TENM2: variants seen among roughly 807,000 people sequenced by gnomAD.
TENM2 encodes teneurin transmembrane protein 2.
Under a neutral mutation model 245.2 loss-of-function variants are expected in TENM2, and 52 were observed. The observed-to-expected ratio is 0.21, with a 90% CI of 0.17 to 0.27. The LOEUF is 0.27. Among genes scored for constraint, TENM2 ranks in the 10% least tolerant of loss-of-function variants. TENM2 has a pLI of 1.00. For synonymous variants in TENM2, 1,363 were observed against 1,438.9 expected, an observed-to-expected ratio of 0.95 and a Z score of 1.19; for missense variants, 3,046 against 3,666.8, an observed-to-expected ratio of 0.83 and a Z score of 4.37.
intron 2 of TENM2, among the ~76,000 whole-genome samples, chr5:167,735,804 T>C (rs74662354): frequency 0.012 from 1,845 of 151,740 alleles, 18 homozygotes; most frequent in Non-Finnish European, 0.019. Flanking sequence ...AGACCCTGTC[T>C]CACAAAAAGA....
At chr5:167,925,808 A>G (rs1777713208) in intron 3 of TENM2, among the ~76,000 whole-genome samples, 2 of 152,366 alleles carry the variant, frequency 1.3e-5, no homozygotes, top group South Asian at 2.1e-4. Flanking sequence ...TTGCAGGGAC[A>G]TGCATGGAGC....
intron 1 of TENM2, among the ~76,000 whole-genome samples, chr5:167,373,138 T>G (rs556525977): frequency 1.4e-4 from 22 of 152,298 alleles, no homozygotes; most frequent in African/African-American, 5.3e-4. Context: ...GAAGAGACAA[T>G]TATGTATAGA....
intron 2 of TENM2, among the ~76,000 whole-genome samples, chr5:167,561,239 A>T (rs1313755644): frequency 1.1e-4 from 16 of 152,228 alleles, no homozygotes; most frequent in Non-Finnish European, 2.9e-5. Context: ...ATTAAAGGTC[A>T]TAAAACAATA....
intron 2 of TENM2, among the ~76,000 whole-genome samples, chr5:167,665,226 T>C (rs2150335343): frequency 6.6e-6 from 1 of 152,250 alleles, no homozygotes; most frequent in Non-Finnish European, 1.5e-5. Context: ...GAAAAATGAA[T>C]ACAATAATAT....
At chr5:167,217,997 A>C in the TENM2 span, among the ~76,000 whole-genome samples, 4,059 of 152,198 alleles carry the variant, frequency 0.027, 188 homozygotes, top group African/African-American at 0.092. Flanking sequence ...AATCAATAGT[A>C]TTTAAGAGGG....
chr5:167,710,733 T>A (rs961438022), intron 2 of TENM2, among the ~76,000 whole-genome samples: 1 of 152,168 alleles, frequency 6.6e-6, no homozygotes, highest in Non-Finnish European at 1.5e-5. Context: ...CTGAGGGCAT[T>A]GGGAAACCAC....
In TENM2 at chr5:167,770,775, C is replaced by T. The variant is rs142830883; in HGVS notation, c.503-105211C>T. Among the ~76,000 whole-genome samples the T allele has an allele frequency of 4.3e-3, 657 of 152,226 alleles. 9 individuals carry two copies. Among genetic ancestry groups the T allele is most frequent in the African/African-American group, 0.015 (606 of 41,540 alleles). On this transcript the variant is annotated intron_variant, in intron 2 of 28. Transcript: ENST00000518659. Reference sequence around the variant, plus strand: ...AACTTCTGGAAGAGTAAACGGGATACAACACAGTAAACTTCTGAACAGCTT... The same window carrying T: ...AACTTCTGGAAGAGTAAACGGGATATAACACAGTAAACTTCTGAACAGCTT...
At chr5:168,039,317 GAAGA>G (rs1787978300) in intron 5 of TENM2, among the ~76,000 whole-genome samples, 1 of 152,122 alleles carries the variant, frequency 6.6e-6, no homozygotes, top group Non-Finnish European at 1.5e-5. Context: ...GCCGTTCTTT[GAAGA>G]AAGACAAATA....
intron 2 of TENM2, among the ~76,000 whole-genome samples, chr5:167,836,285 T>G (rs1768979284): frequency 6.6e-6 from 1 of 152,200 alleles, no homozygotes. Context: ...AAATTTTTAA[T>G]TGCCCTTCAT....
the TENM2 span, among the ~76,000 whole-genome samples, chr5:167,028,069 CAAAAAAA>C: frequency 5.7e-4 from 53 of 92,710 alleles, 1 homozygote; most frequent in African/African-American, 1.3e-4. Context: ...GATTCCATCT[CAAAAAAA>C]AAAAAAAAAA....
the TENM2 span, among the ~76,000 whole-genome samples, chr5:167,068,923 G>A: frequency 2.0e-5 from 3 of 152,182 alleles, no homozygotes; most frequent in Non-Finnish European, 4.4e-5. Flanking sequence ...TTCTAAAACA[G>A]TTATATGAAC....
At chr5:167,445,326 T>TAGAGAGAGAG (rs1394963206) in intron 2 of TENM2, among the ~76,000 whole-genome samples, 35 of 32,846 alleles carry the variant, frequency 1.1e-3, no homozygotes, top group South Asian at 4.1e-3. Flanking sequence ...TATATATATA[T>TAGAGAGAGAG]ATATATATAT....
chr5:168,057,744 A>G (rs754569676), intron 6 of TENM2, among the ~76,000 whole-genome samples: 9 of 152,210 alleles, frequency 5.9e-5, no homozygotes, highest in Admixed American at 3.3e-4. Context: ...GATCCACAAG[A>G]AAAGTTATTT....
intron 3 of TENM2, among the ~76,000 whole-genome samples, chr5:167,934,206 C>T (rs1778514635): frequency 6.6e-6 from 1 of 152,192 alleles, no homozygotes; most frequent in African/African-American, 2.4e-5. Context: ...AACCTGCCCA[C>T]ATAATATTAC....
chr5:167,628,015 G>A (rs1050277639), intron 2 of TENM2, among the ~76,000 whole-genome samples: 2 of 152,170 alleles, frequency 1.3e-5, no homozygotes, highest in Non-Finnish European at 2.9e-5. Flanking sequence ...ACGGTAGAAC[G>A]GCAGTGTCTT....
chr5:168,000,329 C>A (rs1391879817), intron 5 of TENM2, among the ~76,000 whole-genome samples: 1 of 152,230 alleles, frequency 6.6e-6, no homozygotes, highest in African/African-American at 2.4e-5. Flanking sequence ...ATCTGGAACA[C>A]AATTTCAAGT....
At chr5:167,632,865 G>A (rs1338544799) in intron 2 of TENM2, among the ~76,000 whole-genome samples, 3 of 152,142 alleles carry the variant, frequency 2.0e-5, no homozygotes, top group African/African-American at 7.2e-5. Context: ...ACAAACATAA[G>A]TTTAGATGAC....
the TENM2 span, among the ~76,000 whole-genome samples, chr5:167,068,165 T>G: frequency 6.6e-6 from 1 of 152,208 alleles, no homozygotes; most frequent in Non-Finnish European, 1.5e-5. Context: ...AAGTGACATT[T>G]GATGTGTCTT....
At chr5:167,032,163 A>C in the TENM2 span, among the ~76,000 whole-genome samples, 28 of 152,352 alleles carry the variant, frequency 1.8e-4, no homozygotes, top group South Asian at 8.3e-4. Context: ...AAGTATAGCT[A>C]ATTTCAAGAA....
Sources: allele counts gnomAD v4.1 joint callset (sites outside exome capture counted in the v4.1 genomes callset), GRCh38; gene constraint gnomAD v4.1.1; transcripts MANE v1.5; gene names NCBI Gene and HGNC (gene_info 2026-07-23, HGNC 2026-07-21).